DIP2C: variants seen among roughly 807,000 people sequenced by gnomAD.
The protein encoded by DIP2C is DIP2 acetate--CoA ligase C (putative).
Under a neutral mutation model 192.4 loss-of-function variants are expected in DIP2C, and 33 were observed. The observed-to-expected ratio is 0.17, with a 90% CI of 0.13 to 0.23. The LOEUF (loss-of-function observed/expected upper bound fraction) is 0.23. Ranked by LOEUF, DIP2C falls within the 10% of genes least tolerant of loss-of-function variation. The pLI, the probability that DIP2C is intolerant of heterozygous loss-of-function variation, is 1.00. For missense variants in DIP2C, 1,537 were observed against 2,110.1 expected, an observed-to-expected ratio of 0.73 and a Z score of 5.32; for synonymous variants, 979 against 864.1, an observed-to-expected ratio of 1.13 and a Z score of -2.33.
chr10:650,356 C>T (rs1855784645), intron 1 of DIP2C: 5 of 717,196 alleles, frequency 7.0e-6, no homozygotes, highest in South Asian at 3.0e-5. Context: ...AGCCCCAGAC[C>T]GGGGCTGTGG....
At chr10:596,833 G>A (rs1851738041) in intron 1 of DIP2C, among the ~76,000 whole-genome samples, 1 of 152,190 alleles carries the variant, frequency 6.6e-6, no homozygotes, top group South Asian at 2.1e-4. Context: ...CACCACCACT[G>A]CCCAGGACAA....
At chr10:549,205 T>A (rs1848464699) in intron 1 of DIP2C, among the ~76,000 whole-genome samples, 1 of 152,168 alleles carries the variant, frequency 6.6e-6, no homozygotes, top group African/African-American at 2.4e-5. Context: ...TAAAGTTACT[T>A]TTTCATTATT....
At chr10:570,671 G>A (rs534579161) in intron 1 of DIP2C, among the ~76,000 whole-genome samples, 7 of 152,266 alleles carry the variant, frequency 4.6e-5, no homozygotes, top group South Asian at 2.1e-4. Flanking sequence ...AAATTCTCAC[G>A]TATTCCTGTG....
intron 10 of DIP2C, among the ~76,000 whole-genome samples, chr10:392,850 C>T (rs1963604022): frequency 2.6e-5 from 4 of 151,390 alleles, no homozygotes; most frequent in Admixed American, 2.6e-4. Context: ...ACACACACGT[C>T]CCCACACAAT....
intron 1 of DIP2C, among the ~76,000 whole-genome samples, chr10:578,828 A>G (rs898696597): frequency 2.6e-5 from 4 of 152,052 alleles, no homozygotes; most frequent in Admixed American, 2.0e-4. Context: ...GAGAGCACAC[A>G]CATCCAGATC....
chr10:435,998 TA>T (rs145456817), intron 4 of DIP2C, among the ~76,000 whole-genome samples: 2,475 of 152,266 alleles, frequency 0.016, 74 homozygotes, highest in African/African-American at 0.056. Flanking sequence ...CAATTAATTT[TA>T]TTAATATACT....
At chr10:430,844 C>A (rs1287758041) in intron 4 of DIP2C, among the ~76,000 whole-genome samples, 2 of 152,196 alleles carry the variant, frequency 1.3e-5, no homozygotes, top group Admixed American at 6.5e-5. Context: ...TATTTCACCA[C>A]TATACTAATG....
intron 4 of DIP2C, among the ~76,000 whole-genome samples, chr10:424,921 A>G (rs1966473929): frequency 6.6e-6 from 1 of 152,240 alleles, no homozygotes; most frequent in East Asian, 1.9e-4. Context: ...CGGATGATAC[A>G]GCATAACCAA....
At position 345,366 on chromosome 10, in the gene DIP2C, T is replaced by C. The variant is rs548897957; in HGVS notation, c.3232-256A>G. 4.7e-5 allele frequency among the ~76,000 whole-genome samples: 7 copies of C among 147,770 alleles called. No homozygotes were observed. In the Admixed American group the frequency reaches 4.8e-4, roughly 10 times the overall value. ...CCAGTGCATCCACAGCGTTGTGACATGTGCAGAAAAGAGCTCACTGCTCAC... is the reference window on the plus strand; with the variant it reads ...CCAGTGCATCCACAGCGTTGTGACACGTGCAGAAAAGAGCTCACTGCTCAC... On this transcript the variant is annotated intron_variant, in intron 26 of 36. Coordinates refer to ENST00000280886, the MANE Select transcript of DIP2C (RefSeq NM_014974.3).
chr10:519,682 G>GA (rs1588373109), intron 1 of DIP2C, among the ~76,000 whole-genome samples: 1 of 152,382 alleles, frequency 6.6e-6, no homozygotes, highest in East Asian at 1.9e-4. Context: ...CAACCGCACA[G>GA]AAACCTGACC....
chr10:305,994 T>TATATATATATATATATATATATATA (rs201950305), intron 32 of DIP2C, among the ~76,000 whole-genome samples: 1 of 148,664 alleles, frequency 6.7e-6, no homozygotes, highest in African/African-American at 2.6e-5. Flanking sequence ...TATATATATA[T>TATATATATATATATATATATATATA]TATATTTTTT....
At chr10:352,457 G>A (rs573149295) in intron 24 of DIP2C, among the ~76,000 whole-genome samples, 1 of 152,196 alleles carries the variant, frequency 6.6e-6, no homozygotes, top group South Asian at 2.1e-4. Context: ...CCACGAGGAC[G>A]GTGCCCTTCT....
At chr10:522,564 G>A (rs549259583) in intron 1 of DIP2C, among the ~76,000 whole-genome samples, 5 of 152,380 alleles carry the variant, frequency 3.3e-5, no homozygotes, top group Admixed American at 1.3e-4. Context: ...GCACGCGGCG[G>A]TGTCGCAGTT....
intron 32 of DIP2C, among the ~76,000 whole-genome samples, chr10:288,655 C>T (rs1361589496): frequency 6.6e-6 from 1 of 152,188 alleles, no homozygotes; most frequent in African/African-American, 2.4e-5. Context: ...TGCAAAGTAA[C>T]TGGGAAAATG....
At chr10:310,499 G>C (rs1009877104) in intron 31 of DIP2C, among the ~76,000 whole-genome samples, 1 of 152,220 alleles carries the variant, frequency 6.6e-6, no homozygotes, top group Non-Finnish European at 1.5e-5. Flanking sequence ...TGAGGGCCCA[G>C]GACAGTGAAG....
intron 1 of DIP2C, among the ~76,000 whole-genome samples, chr10:687,389 C>A (rs950492426): frequency 2.6e-5 from 4 of 152,192 alleles, no homozygotes; most frequent in Non-Finnish European, 4.4e-5. Context: ...GACCATCCAG[C>A]AAACAGATGA....
intron 13 of DIP2C, among the ~76,000 whole-genome samples, chr10:389,105 C>A (rs1465309381): frequency 7.0e-6 from 1 of 141,872 alleles, no homozygotes; most frequent in Non-Finnish European, 1.5e-5. Context: ...TCTCTGAGGT[C>A]TCAAGGGGCC....
chr10:435,545 TC>T (rs1430194191), intron 4 of DIP2C, among the ~76,000 whole-genome samples: 2 of 152,224 alleles, frequency 1.3e-5, no homozygotes, highest in African/African-American at 4.8e-5. Flanking sequence ...CAGCGGGGGT[TC>T]CTTGGAGCTT....
At chr10:378,143 A>G (rs1411198090) in intron 17 of DIP2C, among the ~76,000 whole-genome samples, 3 of 152,216 alleles carry the variant, frequency 2.0e-5, no homozygotes, top group Admixed American at 6.5e-5. Flanking sequence ...TATTTCCCCA[A>G]TATTTTTCTA....
Sources: allele counts gnomAD v4.1 joint callset (sites outside exome capture counted in the v4.1 genomes callset), GRCh38; gene constraint gnomAD v4.1.1; transcripts MANE v1.5; gene names NCBI Gene and HGNC (gene_info 2026-07-23, HGNC 2026-07-21).